AGBL4: variants seen among roughly 807,000 people sequenced by gnomAD.
AGBL4 encodes the protein AGBL carboxypeptidase 4, also known as cytosolic carboxypeptidase 6.
Under a neutral mutation model 66.4 loss-of-function variants are expected in AGBL4, and 58 were observed. The observed-to-expected ratio is 0.87, with a 90% CI of 0.71 to 1.09. The LOEUF (loss-of-function observed/expected upper bound fraction) is 1.09, where lower values mean the gene tolerates loss of function less well. AGBL4 is among the 50% of genes least tolerant of loss of function. AGBL4 has a pLI of 0.00. For synonymous variants in AGBL4, 234 were observed against 222.9 expected, an observed-to-expected ratio of 1.05 and a Z score of -0.44; for missense variants, 579 against 631.0, an observed-to-expected ratio of 0.92 and a Z score of 0.88.
intron 6 of AGBL4, among the ~76,000 whole-genome samples, chr1:48,804,867 A>C (rs764701417): frequency 6.6e-6 from 1 of 152,146 alleles, no homozygotes; most frequent in Non-Finnish European, 1.5e-5. Context: ...TTTGTTTTAC[A>C]TTTCAGTTAT....
intron 9 of AGBL4, among the ~76,000 whole-genome samples, chr1:48,614,594 G>A (rs1645289349): frequency 2.0e-5 from 3 of 152,094 alleles, no homozygotes; most frequent in Non-Finnish European, 4.4e-5. Context: ...AAAAGATGTG[G>A]GCAAATATGC....
intron 1 of AGBL4, among the ~76,000 whole-genome samples, chr1:49,956,947 G>C (rs1431777633): frequency 6.6e-6 from 1 of 151,942 alleles, no homozygotes; most frequent in African/African-American, 2.4e-5. Flanking sequence ...CCTGGCTAAA[G>C]AATTTGTCTA....
At chr1:49,697,167 G>T in intron 3 of AGBL4, 146 bp downstream of exon 3, 1 of 844,926 alleles carries the variant, frequency 1.2e-6, no homozygotes, top group Non-Finnish European at 1.7e-6. Flanking sequence ...CTATTTCTCT[G>T]CATCTCTTGA....
intron 5 of AGBL4, among the ~76,000 whole-genome samples, chr1:48,907,230 T>G (rs1328519902): frequency 6.6e-6 from 1 of 152,170 alleles, no homozygotes; most frequent in African/African-American, 2.4e-5. Flanking sequence ...AATTAGAGAT[T>G]GGAGGGAATC....
At chr1:49,915,358 C>A (rs1651314465) in intron 1 of AGBL4, among the ~76,000 whole-genome samples, 1 of 152,170 alleles carries the variant, frequency 6.6e-6, no homozygotes, top group African/African-American at 2.4e-5. Flanking sequence ...TGACAGACAG[C>A]AGCTGGAAAA....
At chr1:48,668,801 ATGT>A (rs143465842) in intron 6 of AGBL4, among the ~76,000 whole-genome samples, 8,319 of 152,222 alleles carry the variant, frequency 0.055, 678 homozygotes, top group African/African-American at 0.18. Context: ...GAGGGAATGG[ATGT>A]TGTGAATTAT....
intron 4 of AGBL4, among the ~76,000 whole-genome samples, chr1:49,132,139 G>A (rs1242377315): frequency 6.6e-6 from 1 of 152,042 alleles, no homozygotes; most frequent in African/African-American, 2.4e-5. Flanking sequence ...AAAATAAACA[G>A]GAGTGTGTGG....
At chr1:49,182,298 T>C (rs1275506192) in intron 4 of AGBL4, among the ~76,000 whole-genome samples, 1 of 152,230 alleles carries the variant, frequency 6.6e-6, no homozygotes, top group Non-Finnish European at 1.5e-5. Flanking sequence ...ACAATAAAAG[T>C]ATAAACTATA....
chr1:48,869,322 T>G (rs1484539402), intron 5 of AGBL4, among the ~76,000 whole-genome samples: 1 of 152,192 alleles, frequency 6.6e-6, no homozygotes, highest in East Asian at 1.9e-4. Flanking sequence ...ACCTTCTTCC[T>G]TCCCTAACAC....
chr1:49,490,168 C>A (rs533594295), intron 3 of AGBL4, among the ~76,000 whole-genome samples: 1 of 151,652 alleles, frequency 6.6e-6, no homozygotes, highest in Middle Eastern at 3.2e-3. Context: ...TTTTAATAGG[C>A]AATCATTATC....
At chr1:49,434,369 G>GC (rs1242967578) in intron 3 of AGBL4, among the ~76,000 whole-genome samples, 1 of 152,128 alleles carries the variant, frequency 6.6e-6, no homozygotes, top group Admixed American at 6.6e-5. Context: ...TACCTATTTT[G>GC]CAGAAGGTAC....
intron 9 of AGBL4, among the ~76,000 whole-genome samples, chr1:48,626,940 G>C (rs888261445): frequency 2.0e-5 from 3 of 152,044 alleles, no homozygotes; most frequent in South Asian, 4.1e-4. Context: ...CCTGCCATAG[G>C]GGGTAAAGAA....
chr1:49,487,113 C>T (rs796107602), intron 3 of AGBL4, among the ~76,000 whole-genome samples: 5 of 151,912 alleles, frequency 3.3e-5, no homozygotes, highest in African/African-American at 1.2e-4. Flanking sequence ...AGGTGAAGTA[C>T]AACGAAGATT....
At chr1:49,794,137 G>A (rs1293720920) in intron 2 of AGBL4, among the ~76,000 whole-genome samples, 3 of 151,874 alleles carry the variant, frequency 2.0e-5, no homozygotes, top group African/African-American at 7.2e-5. Flanking sequence ...ACATGACTGT[G>A]TTTGTCATAT....
At chr1:48,608,129 G>C (rs1163106689) in intron 9 of AGBL4, among the ~76,000 whole-genome samples, 3 of 152,188 alleles carry the variant, frequency 2.0e-5, no homozygotes, top group African/African-American at 7.2e-5. Context: ...GATTGGAACT[G>C]CCTGGGGACT....
At chr1:49,944,856 G>T (rs1432076987) in intron 1 of AGBL4, among the ~76,000 whole-genome samples, 2 of 151,872 alleles carry the variant, frequency 1.3e-5, no homozygotes, top group East Asian at 3.9e-4. Flanking sequence ...GAAATAGATA[G>T]CATAAATAAA....
In AGBL4 at chr1:48,736,604, A is replaced by G. The variant is rs1212059568; in HGVS notation, c.635-73363T>C. 4.4e-6 allele frequency: 3 copies of G among 685,270 alleles called. No homozygotes were observed. Among genetic ancestry groups the G allele is most frequent in the East Asian group, 2.7e-5 (1 of 37,184 alleles). The allele number at this position is 685,270 out of a possible 1,614,324, so 42.4% of individuals were successfully genotyped here. ...CTCTTTAAGGGTAATCGTAATAGCT[A>G]TCATCTACTGAATACGTGTAGTGTG... On this transcript the variant is annotated intron_variant, in intron 6 of 13. Transcript: ENST00000371839. This position sits in a 1 kb window ranked among gnomAD's most constrained non-coding sequence, Gnocchi z 4.0.
At chr1:49,629,548 G>A (rs1645529344) in intron 3 of AGBL4, among the ~76,000 whole-genome samples, 3 of 152,234 alleles carry the variant, frequency 2.0e-5, no homozygotes, top group Middle Eastern at 3.4e-3. Context: ...GGACCCAGCA[G>A]ACACACTGTG....
intron 11 of AGBL4, among the ~76,000 whole-genome samples, chr1:48,572,093 A>G (rs989856027): frequency 6.6e-6 from 1 of 152,106 alleles, no homozygotes; most frequent in Non-Finnish European, 1.5e-5. Flanking sequence ...GAGAGAGGGA[A>G]GGAAGAATTG....
Sources: gnomAD v4.1 joint callset for allele counts (sites outside exome capture counted in the v4.1 genomes callset) on GRCh38, gnomAD v4.1.1 for gene constraint, Gnocchi (gnomAD v3.1) non-coding constraint, MANE v1.5 for transcripts, NCBI Gene and HGNC (gene_info 2026-07-23, HGNC 2026-07-21) for gene names.